The following RAB11FIP3 variants were observed in gnomAD, a reference collection of about 807,000 sequenced individuals.
RAB11FIP3 encodes RAB11 family interacting protein 3.
A neutral mutation model predicts 77.8 loss-of-function variants in RAB11FIP3; 17 were observed. That is an observed-to-expected ratio of 0.22 (90% CI 0.15 to 0.33). The LOEUF is 0.33. Ranked by LOEUF, RAB11FIP3 falls within the 10% of genes least tolerant of loss-of-function variation. The probability of loss-of-function intolerance (pLI) is 1.00; values close to 1 mark genes in which losing one functional copy is unlikely to be tolerated. For missense variants in RAB11FIP3, 1,005 were observed against 1,011.2 expected (o/e 0.99, Z 0.08); for synonymous variants, 437 against 448.2 (o/e 0.98, Z 0.31).
intron 1 of RAB11FIP3, among the ~76,000 whole-genome samples, chr16:460,563 G>A (rs758402112): frequency 9.2e-5 from 14 of 151,640 alleles, no homozygotes; most frequent in African/African-American, 2.4e-4. Context: ...TTTGTGTTAC[G>A]TCCATGTGTG....
intron 3 of RAB11FIP3, among the ~76,000 whole-genome samples, chr16:473,192 T>C (rs2055839225): frequency 6.6e-6 from 1 of 152,206 alleles, no homozygotes; most frequent in South Asian, 2.1e-4. Flanking sequence ...GTGCATTTTA[T>C]CCTTAAAGGC....
At chr16:429,400 T>C (rs998121712) in intron 1 of RAB11FIP3, among the ~76,000 whole-genome samples, 2 of 152,150 alleles carry the variant, frequency 1.3e-5, no homozygotes, top group African/African-American at 2.4e-5. Flanking sequence ...TCATAAGTTT[T>C]TGTACTTTCT....
At chr16:446,474 T>C (rs183763863) in intron 1 of RAB11FIP3, among the ~76,000 whole-genome samples, 2 of 152,274 alleles carry the variant, frequency 1.3e-5, no homozygotes, top group East Asian at 3.9e-4. Context: ...AGGTGGCCTT[T>C]GGCACTGCCT....
chr16:442,514 G>T (rs143558892), intron 1 of RAB11FIP3, among the ~76,000 whole-genome samples: 1,894 of 152,260 alleles, frequency 0.012, 21 homozygotes, highest in African/African-American at 0.021. Flanking sequence ...TCTTCCTCCC[G>T]CTCAGCCGGG....
intron 9 of RAB11FIP3, among the ~76,000 whole-genome samples, chr16:513,234 G>A (rs925452755): frequency 1.3e-5 from 2 of 151,920 alleles, no homozygotes; most frequent in Non-Finnish European, 2.9e-5. Context: ...TTGTTTGTCT[G>A]TTTTGAGATG....
chr16:436,735 G>C (rs1342320762), intron 1 of RAB11FIP3, among the ~76,000 whole-genome samples: 2 of 152,126 alleles, frequency 1.3e-5, no homozygotes, highest in East Asian at 3.9e-4. Context: ...GTCCGAAAGT[G>C]CTGGGATTAC....
At chr16:496,228 AC>A (rs1490014203) in intron 5 of RAB11FIP3, among the ~76,000 whole-genome samples, 1 of 152,212 alleles carries the variant, frequency 6.6e-6, no homozygotes, top group Non-Finnish European at 1.5e-5. Flanking sequence ...ACTGTAAAAT[AC>A]AACTTTGGAC....
intron 1 of RAB11FIP3, among the ~76,000 whole-genome samples, chr16:441,833 C>T (rs1220948771): frequency 6.6e-6 from 1 of 152,154 alleles, no homozygotes. Context: ...GTTCTCTAAT[C>T]ATGCTTTTTT....
In RAB11FIP3 at chr16:509,753, C is replaced by A. The variant is rs1039157940; in HGVS notation, c.1500-907C>A. 2.6e-5 allele frequency among the ~76,000 whole-genome samples: 4 copies of A among 152,302 alleles called. No homozygotes were observed. In the East Asian group the frequency reaches 7.7e-4, roughly 29 times the overall value. ...GAGGGGACTGGGAGCAGAGTGGGCC[C>A]CCCCCCCACTTGTGGCCCCTCACAG... On this transcript the variant is annotated intron_variant, in intron 8 of 13. Coordinates refer to ENST00000262305, the MANE Select transcript of RAB11FIP3 (RefSeq NM_014700.4).
chr16:463,503 A>C (rs2055653177), intron 2 of RAB11FIP3, among the ~76,000 whole-genome samples: 1 of 125,594 alleles, frequency 8.0e-6, no homozygotes, highest in African/African-American at 3.1e-5. Context: ...CAATGGCATG[A>C]TTTCGTCTCA....
At position 520,765 on chromosome 16, in the gene RAB11FIP3, C is replaced by G; in HGVS notation, c.2197C>G (p.Arg733Gly). The change falls in exon 14 of 14, where the codon CGC becomes GGC. Residue 733 changes from arginine to glycine, a missense_variant. By Grantham distance (125) the Arg-to-Gly change is moderately radical (BLOSUM62 -2). Transcript: ENST00000262305. ...AIQKQEEINF[R>G]LQDYIDRIIV... ...TCAGAAGCAGGAGGAGATCAACTTC[C>G]GCCTGCAGGACTACATCGACAGGAT... 2 of 1,613,788 alleles carry G rather than the reference C, an allele frequency of 1.2e-6. No homozygotes were observed. Among genetic ancestry groups the G allele is most frequent in the Non-Finnish European group, 1.7e-6 (2 of 1,180,012 alleles).
intron 8 of RAB11FIP3, among the ~76,000 whole-genome samples, chr16:508,905 A>AT (rs1389960833): frequency 6.9e-6 from 1 of 145,424 alleles, no homozygotes; most frequent in Non-Finnish European, 1.5e-5. Context: ...TCTTGATCAG[A>AT]TCTTTTTTTT....
intron 6 of RAB11FIP3, among the ~76,000 whole-genome samples, chr16:502,196 A>G (rs2031570610): frequency 1.3e-5 from 2 of 152,218 alleles, no homozygotes; most frequent in African/African-American, 4.8e-5. Context: ...TTGGGTTGGT[A>G]CAGATTCACC....
rs750269532 is a variant in RAB11FIP3 at position 505,660 on chromosome 16, G to T, written c.1499+33G>T. The T allele has an allele frequency of 1.3e-6, 2 of 1,523,322 alleles. No homozygotes were observed. The highest frequency in any genetic ancestry group is 1.8e-6 in the Non-Finnish European group (2 of 1,129,984). The allele number at this position is 1,523,322 out of a possible 1,614,324, so 94.4% of individuals were successfully genotyped here. A position where few individuals can be genotyped will look rare whatever the true frequency, so the allele number is the denominator to read the frequency against. ...TGGGCCAGGAGACCCGGGCCTCTGCGTGGCGCCTCCTGTGCCCGCCTGTCA... is the reference window on the plus strand; with the variant it reads ...TGGGCCAGGAGACCCGGGCCTCTGCTTGGCGCCTCCTGTGCCCGCCTGTCA... On this transcript the variant is annotated intron_variant, in intron 8 of 13. Transcript: ENST00000262305. This position sits in a 1 kb window ranked among gnomAD's most constrained non-coding sequence, Gnocchi z 4.0.
At chr16:491,600 A>G (rs1373228361) in intron 5 of RAB11FIP3, among the ~76,000 whole-genome samples, 1 of 152,254 alleles carries the variant, frequency 6.6e-6, no homozygotes, top group Non-Finnish European at 1.5e-5. Context: ...GAATTGGGAA[A>G]GTTAAAGATT....
intron 11 of RAB11FIP3, 38 bp from the exon 12 acceptor site, chr16:520,084 G>A: frequency 6.5e-7 from 1 of 1,540,298 alleles, no homozygotes; most frequent in Non-Finnish European, 8.7e-7. Context: ...GCCCCTGGGA[G>A]CCCAGGCCCC....
At position 472,494 on chromosome 16, in the gene RAB11FIP3, G is replaced by T. The variant is rs987874117; in HGVS notation, c.903+1105G>T. Among the ~76,000 whole-genome samples the T allele has an allele frequency of 9.2e-5, 14 of 152,200 alleles. No homozygotes were observed. The highest frequency in any genetic ancestry group is 2.4e-5 in the African/African-American group (1 of 41,450). On this transcript the variant is annotated intron_variant, in intron 3 of 13. Coordinates refer to ENST00000262305, the MANE Select transcript of RAB11FIP3 (RefSeq NM_014700.4). The surrounding 1 kb of genome is among the most constrained non-coding windows in gnomAD (Gnocchi z 4.1). ...CTCGCATGGCTGCAGTGTGCAGAAC[G>T]TGCTGGGAGACCCCAGGACTACAGA...
Position 502,861 on chromosome 16 carries a change from A to C in RAB11FIP3, c.1302-143A>C. On this transcript the variant is annotated intron_variant, in intron 6 of 13. Transcript: ENST00000262305. ...TGTATATAGTGCTTTAAGTGGGAGAAGACCACCACCCAGATCAGGGGAGGA... is the reference window on the plus strand; with the variant it reads ...TGTATATAGTGCTTTAAGTGGGAGACGACCACCACCCAGATCAGGGGAGGA... 4.3e-6 allele frequency: 3 copies of C among 696,394 alleles called. No individual in the cohort carries two copies. In the South Asian group the frequency reaches 4.8e-5, roughly 11 times the overall value. 43.1% of individuals were successfully genotyped at this position (696,394 alleles called of 1,614,324 possible).
At chr16:490,362 G>A (rs1410153098) in intron 5 of RAB11FIP3, among the ~76,000 whole-genome samples, 1 of 152,214 alleles carries the variant, frequency 6.6e-6, no homozygotes, top group African/African-American at 2.4e-5. Context: ...GTTTCGACAG[G>A]TCGGTCTTTT....
Sources: gnomAD v4.1 joint callset for allele counts (sites outside exome capture counted in the v4.1 genomes callset) on GRCh38, gnomAD v4.1.1 for gene constraint, Gnocchi (gnomAD v3.1) non-coding constraint, MANE v1.5 for transcripts, NCBI Gene and HGNC (gene_info 2026-07-23, HGNC 2026-07-21) for gene names.